The following YY1 variants were observed in gnomAD, a reference collection of about 807,000 sequenced individuals.
YY1 encodes YY1 transcription factor.
Under a neutral mutation model 35.6 loss-of-function variants are expected in YY1, and 2 were observed. That is an observed-to-expected ratio of 0.06 (90% confidence interval 0.02 to 0.18). The LOEUF is 0.18. Ranked by LOEUF, YY1 falls within the 10% of genes least tolerant of loss-of-function variation. The pLI, the probability that YY1 is intolerant of heterozygous loss-of-function variation, is 1.00. For synonymous variants in YY1, 268 were observed against 238.9 expected, an observed-to-expected ratio of 1.12 and a Z score of -1.12; for missense variants, 322 against 573.4, an observed-to-expected ratio of 0.56 and a Z score of 4.48.
chr14:100,258,735 A>G (rs958117120), intron 1 of YY1, among the ~76,000 whole-genome samples: 1 of 152,208 alleles, frequency 6.6e-6, no homozygotes, highest in South Asian at 2.1e-4. Context: ...CATTCTCCTC[A>G]GTAAAATGAA....
In YY1 at chr14:100,260,258, G is replaced by A. The variant is rs1261050190; in HGVS notation, c.680-2046G>A. Among the ~76,000 whole-genome samples, 3 of 150,438 alleles carry A rather than the reference G, an allele frequency of 2.0e-5. No individual in the cohort carries two copies. In the East Asian group the frequency reaches 5.9e-4, roughly 30 times the overall value. On this transcript the variant is annotated intron_variant, in intron 1 of 4. Coordinates refer to ENST00000262238, the MANE Select transcript of YY1 (RefSeq NM_003403.5). ...CACCTGGCTAATTTTTGTATTTTTAGTAGAGTTGGGGTTTCATCATGTTGG... is the reference window on the plus strand; with the variant it reads ...CACCTGGCTAATTTTTGTATTTTTAATAGAGTTGGGGTTTCATCATGTTGG...
At chr14:100,269,288 C>G (rs1481660295) in intron 2 of YY1, among the ~76,000 whole-genome samples, 2 of 152,148 alleles carry the variant, frequency 1.3e-5, no homozygotes, top group African/African-American at 4.8e-5. Flanking sequence ...ACATACAGCT[C>G]TTAAGTAGGT....
intron 3 of YY1, among the ~76,000 whole-genome samples, 189 bp downstream of exon 3, chr14:100,274,947 G>A (rs1891298130): frequency 6.6e-6 from 1 of 152,194 alleles, no homozygotes; most frequent in Non-Finnish European, 1.5e-5. Context: ...ACTGTTAAAT[G>A]GGATGACTGC....
chr14:100,264,888 C>T (rs1891131420), intron 2 of YY1, among the ~76,000 whole-genome samples: 1 of 152,024 alleles, frequency 6.6e-6, no homozygotes, highest in African/African-American at 2.4e-5. Context: ...GAGGTGGGAT[C>T]GCTTGAGGCC....
intron 1 of YY1, among the ~76,000 whole-genome samples, chr14:100,244,471 C>T (rs1479021305): frequency 1.3e-5 from 2 of 150,790 alleles, no homozygotes; most frequent in East Asian, 1.9e-4. Flanking sequence ...TTGGTAGAGA[C>T]GAAGTTTCGC....
chr14:100,249,203 C>T (rs1352482266), intron 1 of YY1, among the ~76,000 whole-genome samples: 1 of 142,766 alleles, frequency 7.0e-6, no homozygotes, highest in East Asian at 2.1e-4. Context: ...CACCTGCAAC[C>T]TTCACCTCCT....
At chr14:100,247,515 G>A (rs529323711) in intron 1 of YY1, among the ~76,000 whole-genome samples, 5 of 152,014 alleles carry the variant, frequency 3.3e-5, no homozygotes, top group African/African-American at 1.2e-4. Context: ...CCAAGAGCTG[G>A]GACTACAGGC....
chr14:100,249,760 G>GTTTTTTTTTTTTTTTTTTTT (rs34925666), intron 1 of YY1, among the ~76,000 whole-genome samples: 2 of 143,012 alleles, frequency 1.4e-5, no homozygotes, highest in Admixed American at 6.9e-5. Context: ...TTTTTTTTTT[G>GTTTTTTTTTTTTTTTTTTTT]TTTGTTTTTG....
At chr14:100,271,061 C>A (rs12323819) in intron 2 of YY1, among the ~76,000 whole-genome samples, 39,125 of 151,532 alleles carry the variant, frequency 0.26, 5,132 homozygotes, top group Middle Eastern at 0.36. Context: ...CTGGCTAACA[C>A]GGTAAGAAAC....
At chr14:100,262,112 G>A in intron 1 of YY1, among the ~76,000 whole-genome samples, 192 bp from the exon 2 acceptor site, 1 of 151,816 alleles carries the variant, frequency 6.6e-6, no homozygotes, top group Non-Finnish European at 1.5e-5. Flanking sequence ...TTGTGATTGG[G>A]CCACTGCACC....
Position 100,277,337 on chromosome 14 carries a change from T to C in YY1, c.1063-81T>C. On this transcript the variant is annotated intron_variant, in intron 4 of 4. Coordinates refer to ENST00000262238, the MANE Select transcript of YY1 (RefSeq NM_003403.5). This position sits in a 1 kb window ranked among gnomAD's most constrained non-coding sequence, Gnocchi z 5.6. Reference sequence around the variant, plus strand: ...GTTTGGTAAAATAAATAGGCTGTTCTCTAGCAAAGCAGTGAGCTCCTGACT... The same window carrying C: ...GTTTGGTAAAATAAATAGGCTGTTCCCTAGCAAAGCAGTGAGCTCCTGACT... 1 of 1,512,318 alleles carries C rather than the reference T, an allele frequency of 6.6e-7. No individual in the cohort carries two copies. Among genetic ancestry groups the C allele is most frequent in the African/African-American group, 1.4e-5 (1 of 73,012 alleles). 93.7% of individuals were successfully genotyped at this position (1,512,318 alleles called of 1,614,324 possible). A position where few individuals can be genotyped will look rare whatever the true frequency, so the allele number is the denominator to read the frequency against.
intron 1 of YY1, among the ~76,000 whole-genome samples, chr14:100,253,423 T>G (rs964694657): frequency 2.6e-5 from 4 of 152,210 alleles, no homozygotes; most frequent in African/African-American, 9.6e-5. Context: ...CAGGCTAGTC[T>G]TTTTTATTTT....
intron 1 of YY1, among the ~76,000 whole-genome samples, chr14:100,248,111 A>AT (rs966925892): frequency 9.2e-5 from 7 of 75,888 alleles, no homozygotes; most frequent in African/African-American, 1.9e-4. Flanking sequence ...CGCCCGGCTA[A>AT]TTTTTTTTTC....
In YY1 at chr14:100,257,983, T is replaced by C. The variant is rs1204136513; in HGVS notation, c.680-4321T>C. Among the ~76,000 whole-genome samples the C allele has an allele frequency of 3.9e-5, 6 of 151,956 alleles. No individual in the cohort carries two copies. In the East Asian group the frequency reaches 1.2e-3, roughly 29 times the overall value. On this transcript the variant is annotated intron_variant, in intron 1 of 4. Transcript: ENST00000262238. The stretch of plus-strand genomic sequence containing the variant: ...GACCACATCTCTACAAAAAATAAAA[T>C]TAGCTGGGCATGGTGGTGCCCGTCT...
intron 2 of YY1, among the ~76,000 whole-genome samples, chr14:100,272,715 G>A (rs754021484): frequency 2.6e-5 from 4 of 151,330 alleles, no homozygotes; most frequent in Admixed American, 1.3e-4. Context: ...TTACATGGAT[G>A]AATTCTATAT....
chr14:100,245,382 G>C (rs1595313615), intron 1 of YY1, among the ~76,000 whole-genome samples: 1 of 152,272 alleles, frequency 6.6e-6, no homozygotes, highest in South Asian at 2.1e-4. Flanking sequence ...CCTGGGTTCA[G>C]AGTATCTTCC....
intron 1 of YY1, among the ~76,000 whole-genome samples, chr14:100,247,980 C>G (rs1354724610): frequency 6.6e-6 from 1 of 152,146 alleles, no homozygotes. Context: ...GAGTCTTACT[C>G]TGTTGCCCAG....
At chr14:100,242,241 C>T (rs1890758357) in intron 1 of YY1, among the ~76,000 whole-genome samples, 1 of 152,064 alleles carries the variant, frequency 6.6e-6, no homozygotes, top group South Asian at 2.1e-4. Flanking sequence ...TGGTAGTGTA[C>T]GGCTTTGCTT....
At chr14:100,274,448 A>G (rs955228783) in intron 2 of YY1, among the ~76,000 whole-genome samples, 6 of 152,198 alleles carry the variant, frequency 3.9e-5, no homozygotes, top group African/African-American at 1.4e-4. Flanking sequence ...CCAGCTTATT[A>G]GCTATGAGAC....
Sources: gnomAD v4.1 joint callset for allele counts (sites outside exome capture counted in the v4.1 genomes callset) on GRCh38, gnomAD v4.1.1 for gene constraint, Gnocchi (gnomAD v3.1) non-coding constraint, MANE v1.5 for transcripts, NCBI Gene and HGNC (gene_info 2026-07-23, HGNC 2026-07-21) for gene names.